The following KIF2C variants were observed in gnomAD, a reference collection of about 807,000 sequenced individuals.
KIF2C encodes the protein kinesin-like protein KIF2C.
In KIF2C, 34 loss-of-function variants were observed where a neutral mutation model predicts 97.4. The observed-to-expected ratio is 0.35, with a 90% CI of 0.27 to 0.46. The LOEUF (loss-of-function observed/expected upper bound fraction) is 0.46. KIF2C is among the 20% of genes least tolerant of loss of function. KIF2C has a pLI of 1.00. For synonymous variants in KIF2C, 313 were observed against 318.2 expected, an observed-to-expected ratio of 0.98 and a Z score of 0.17; for missense variants, 750 against 907.6, an observed-to-expected ratio of 0.83 and a Z score of 2.23.
In KIF2C at chr1:44,745,762, G is replaced by A. The variant is rs964236877; in HGVS notation, c.166-1622G>A. Among the ~76,000 whole-genome samples, 17 of 150,192 alleles carry A rather than the reference G, an allele frequency of 1.1e-4. 1 individual carries two copies. The highest frequency in any genetic ancestry group is 1.9e-4 in the Non-Finnish European group (13 of 67,514). ...TGGGATTACAGACGTGAGCCACCAC[G>A]CCCGGCCTATATATGTCTTAATTCA... On this transcript the variant is annotated intron_variant, in intron 2 of 20. Transcript: ENST00000372224.
chr1:44,752,561 G>T (rs964735646), intron 5 of KIF2C, among the ~76,000 whole-genome samples: 1 of 152,190 alleles, frequency 6.6e-6, no homozygotes, highest in African/African-American at 2.4e-5. Context: ...GATGCAAATT[G>T]TGTAAGACAC....
chr1:44,746,667 G>A, intron 2 of KIF2C: 6 of 1,575,946 alleles, frequency 3.8e-6, no homozygotes, highest in Non-Finnish European at 5.2e-6. Context: ...GTACCCGACT[G>A]TTTGCCTGCC....
chr1:44,765,300 A>C (rs1650393123), intron 19 of KIF2C, among the ~76,000 whole-genome samples: 1 of 152,118 alleles, frequency 6.6e-6, no homozygotes, highest in Non-Finnish European at 1.5e-5. Flanking sequence ...TGTGTGCAGC[A>C]AAAATTATAA....
chr1:44,742,234 C>G (rs1573547664), intron 2 of KIF2C, among the ~76,000 whole-genome samples: 1 of 151,422 alleles, frequency 6.6e-6, no homozygotes, highest in African/African-American at 2.4e-5. Context: ...CTCAGCCTCC[C>G]GAGTAACTGG....
At chr1:44,740,648 C>G (rs781143498) in intron 1 of KIF2C, among the ~76,000 whole-genome samples, 7 of 152,078 alleles carry the variant, frequency 4.6e-5, no homozygotes, top group Non-Finnish European at 5.9e-5. Context: ...CTCTATCTCT[C>G]TTTTTTTGTA....
rs1011155303 is a variant in KIF2C at position 44,739,879 on chromosome 1, G to A, written c.-54G>A. ...GCGGCGTTAAGACTTCGTAGGGTTA[G>A]CGAAATTGAGGTTTCTTGGTATTGC... On this transcript the variant is annotated 5_prime_UTR_variant, in exon 1 of 21. Coordinates refer to ENST00000372224, the MANE Select transcript of KIF2C (RefSeq NM_006845.4). 4 of 1,529,262 alleles carry A rather than the reference G, an allele frequency of 2.6e-6. No homozygotes were observed. The South Asian group carries it at 3.4e-5, about 13-fold the overall frequency. The allele number at this position is 1,529,262 out of a possible 1,614,324, so 94.7% of individuals were successfully genotyped here. A position where few individuals can be genotyped will look rare whatever the true frequency, so the allele number is the denominator to read the frequency against.
chr1:44,762,685 C>T, intron 19 of KIF2C, 27 bp downstream of exon 19: 1 of 1,470,806 alleles, frequency 6.8e-7, no homozygotes, highest in Non-Finnish European at 9.5e-7. Flanking sequence ...GGACAGGGAG[C>T]TGGATGCAGC....
rs1453096421 is a variant in KIF2C at position 44,767,740 on chromosome 1, A to G, written c.*561A>G. 6.4e-6 allele frequency: 1 copy of G among 156,006 alleles called. No homozygotes were observed. Among genetic ancestry groups the G allele is most frequent in the African/African-American group, 2.4e-5 (1 of 41,462 alleles). The allele number at this position is 156,006 out of a possible 1,614,324, so 9.7% of individuals were successfully genotyped here. On this transcript the variant is annotated 3_prime_UTR_variant, in exon 21 of 21. Coordinates refer to ENST00000372224, the MANE Select transcript of KIF2C (RefSeq NM_006845.4). ...TTGTATGTAACAATAAAGAGAAAAA[A>G]TAAATCAGCTGTTTAAGTGTGTGGA...
Position 44,767,204 on chromosome 1 carries a change from G to C in KIF2C, c.*25G>C. 7 of 1,605,434 alleles carry C rather than the reference G, an allele frequency of 4.4e-6. No individual in the cohort carries two copies. Among genetic ancestry groups the C allele is most frequent in the Non-Finnish European group, 6.0e-6 (7 of 1,172,374 alleles). ...ACGACTGCAAATAAAAATCTGTTTGGTTTGACACCCAGCCTCTTCCCTGGC... is the reference window on the plus strand; with the variant it reads ...ACGACTGCAAATAAAAATCTGTTTGCTTTGACACCCAGCCTCTTCCCTGGC... On this transcript the variant is annotated 3_prime_UTR_variant, in exon 21 of 21. Transcript: ENST00000372224.
chr1:44,750,701 T>G (rs899394639), intron 5 of KIF2C, 137 bp downstream of exon 5: 5 of 1,027,774 alleles, frequency 4.9e-6, no homozygotes, highest in Non-Finnish European at 5.1e-6. Flanking sequence ...CCAACACGGC[T>G]TTCTTATTTG....
In KIF2C at chr1:44,755,759, C is replaced by G. The variant is rs182262448; in HGVS notation, c.760-170C>G. ...AAAATGGGAACAAAATCCAGTGCTC[C>G]CTTCTTGTGCTCTGGAGTATCTAAT... On this transcript the variant is annotated intron_variant, in intron 8 of 20. Coordinates refer to ENST00000372224, the MANE Select transcript of KIF2C (RefSeq NM_006845.4). 1.7e-3 allele frequency among the ~76,000 whole-genome samples: 259 copies of G among 152,288 alleles called. 1 individual carries two copies. Among genetic ancestry groups the G allele is most frequent in the Non-Finnish European group, 2.9e-3 (197 of 68,022 alleles).
intron 11 of KIF2C, 121 bp from the exon 12 acceptor site, chr1:44,757,787 G>A: frequency 8.5e-7 from 1 of 1,171,184 alleles, no homozygotes; most frequent in Non-Finnish European, 1.3e-6. Context: ...GTCAGATGCA[G>A]GGAGGGGCTT....
At chr1:44,742,462 A>C (rs1648983408) in intron 2 of KIF2C, among the ~76,000 whole-genome samples, 1 of 150,782 alleles carries the variant, frequency 6.6e-6, no homozygotes, top group South Asian at 2.2e-4. Flanking sequence ...TCATGCCTGT[A>C]ATCCCAGCAC....
chr1:44,754,642 G>A (rs1649717006), intron 7 of KIF2C, 108 bp from the exon 8 acceptor site: 1 of 777,476 alleles, frequency 1.3e-6, no homozygotes, highest in East Asian at 2.5e-5. Flanking sequence ...CAGGGACTTT[G>A]ACAACTATGA....
intron 10 of KIF2C, 107 bp downstream of exon 10, chr1:44,756,344 C>T (rs1194705721): frequency 2.4e-5 from 28 of 1,181,154 alleles, no homozygotes; most frequent in South Asian, 9.8e-5. Flanking sequence ...TGAGGCTCTT[C>T]CTCGCTTCTT....
chr1:44,746,584 G>T, intron 2 of KIF2C: 1 of 1,397,622 alleles, frequency 7.2e-7, no homozygotes, highest in Non-Finnish European at 9.3e-7. Context: ...AGGTGCTTGG[G>T]GGGCTGTGCC....
At chr1:44,740,673 G>A (rs1234456122) in intron 1 of KIF2C, among the ~76,000 whole-genome samples, 1 of 151,936 alleles carries the variant, frequency 6.6e-6, no homozygotes, top group Admixed American at 6.6e-5. Context: ...CTCTTGAGTA[G>A]GGGTGAATCC....
intron 19 of KIF2C, among the ~76,000 whole-genome samples, chr1:44,763,439 A>G (rs756002253): frequency 3.1e-4 from 47 of 152,302 alleles, no homozygotes; most frequent in East Asian, 5.8e-4. Context: ...TTGTAAGCAC[A>G]TGGCACTTTC....
intron 5 of KIF2C, among the ~76,000 whole-genome samples, chr1:44,752,413 C>T (rs1649580359): frequency 6.6e-6 from 1 of 152,088 alleles, no homozygotes; most frequent in Non-Finnish European, 1.5e-5. Context: ...GGATTACAGG[C>T]GTGAGCCACC....
Sources: gnomAD v4.1 joint callset for allele counts (sites outside exome capture counted in the v4.1 genomes callset) on GRCh38, gnomAD v4.1.1 for gene constraint, MANE v1.5 for transcripts, NCBI Gene and HGNC (gene_info 2026-07-23, HGNC 2026-07-21) for gene names.